Variants in ENTPD1 observed in about 807,000 individuals in gnomAD.
ENTPD1 encodes the protein ectonucleoside triphosphate diphosphohydrolase 1, also known as ATP diphosphohydrolase.
Under a neutral mutation model 57.0 loss-of-function variants are expected in ENTPD1, and 33 were observed. That is an observed-to-expected ratio of 0.58 (90% CI 0.44 to 0.77). The LOEUF is 0.77. ENTPD1 is among the 30% of genes least tolerant of loss of function. The pLI is 0.00. For missense variants in ENTPD1, 501 were observed against 603.4 expected (o/e 0.83, Z 1.78); for synonymous variants, 202 against 218.8 (o/e 0.92, Z 0.68).
At chr10:95,801,829 T>C (rs942640219) in intron 1 of ENTPD1, among the ~76,000 whole-genome samples, 2 of 152,230 alleles carry the variant, frequency 1.3e-5, no homozygotes, top group African/African-American at 4.8e-5. Context: ...CTTGGTTCCA[T>C]ATGAATTTTA....
intron 1 of ENTPD1, among the ~76,000 whole-genome samples, chr10:95,714,355 A>G (rs1395811120): frequency 1.3e-5 from 2 of 152,196 alleles, no homozygotes; most frequent in Non-Finnish European, 2.9e-5. Flanking sequence ...TAAATAAATA[A>G]ATAAACGTTA....
In ENTPD1 at chr10:95,796,424, GAGTT is replaced by G. The variant is rs547394083; in HGVS notation, c.17-26806_17-26803del. ...TGAGCCTCAATTTCTTCATAAGGTA[GAGTT>G]AGTTAGATAAATAAGAGAGGAAAGA... On this transcript the variant is annotated intron_variant, in intron 1 of 9. Coordinates refer to ENST00000371205, the MANE Select transcript of ENTPD1 (RefSeq NM_001776.6). Among the ~76,000 whole-genome samples, 748 of 152,232 alleles carry G rather than the reference GAGTT, an allele frequency of 4.9e-3. 4 individuals carry two copies. The highest frequency in any genetic ancestry group is 0.017 in the African/African-American group (701 of 41,546).
intron 1 of ENTPD1, among the ~76,000 whole-genome samples, chr10:95,722,735 T>C (rs1291605163): frequency 6.6e-6 from 1 of 152,222 alleles, no homozygotes; most frequent in Non-Finnish European, 1.5e-5. Context: ...TCTATCGTCC[T>C]GTCCTGAAGG....
chr10:95,761,497 T>C (rs373350004), intron 1 of ENTPD1, among the ~76,000 whole-genome samples: 1 of 152,250 alleles, frequency 6.6e-6, no homozygotes, highest in East Asian at 1.9e-4. Flanking sequence ...TGGTACTAAA[T>C]GACCAAGCTC....
At chr10:95,705,277 ATGTG>A in the ENTPD1 span, among the ~76,000 whole-genome samples, 1 of 150,176 alleles carries the variant, frequency 6.7e-6, no homozygotes, top group South Asian at 2.1e-4. Flanking sequence ...CCAGTAGAAA[ATGTG>A]TGTGTGTGTG....
chr10:95,720,804 C>G (rs2097976608), intron 1 of ENTPD1, among the ~76,000 whole-genome samples: 1 of 152,150 alleles, frequency 6.6e-6, no homozygotes. Context: ...TTAAAGTGTC[C>G]TTGTAGACCA....
At chr10:95,785,744 C>T (rs955513839) in intron 1 of ENTPD1, among the ~76,000 whole-genome samples, 2 of 152,222 alleles carry the variant, frequency 1.3e-5, no homozygotes, top group Admixed American at 6.5e-5. Flanking sequence ...GGCTTGTCCT[C>T]AAATTCCAGC....
At chr10:95,755,980 A>C (rs565744415), upstream of ENTPD1, 1 of 1,465,106 alleles carries the variant, frequency 6.8e-7, no homozygotes, top group South Asian at 1.5e-5. Flanking sequence ...AAAAAATTAC[A>C]ACCTGGAAAA....
At chr10:95,798,368 T>C (rs2098235184) in intron 1 of ENTPD1, among the ~76,000 whole-genome samples, 1 of 151,934 alleles carries the variant, frequency 6.6e-6, no homozygotes. Flanking sequence ...GAAAGTCAAG[T>C]AATAAGAACT....
intron 3 of ENTPD1, among the ~76,000 whole-genome samples, chr10:95,841,318 C>T (rs11592584): frequency 4.4e-3 from 662 of 151,986 alleles, no homozygotes; most frequent in Non-Finnish European, 8.0e-3. Flanking sequence ...ACCCGGGAGG[C>T]GGAGGTTGCA....
chr10:95,715,374 A>G (rs2097970372), intron 1 of ENTPD1, among the ~76,000 whole-genome samples: 1 of 152,202 alleles, frequency 6.6e-6, no homozygotes. Context: ...ATATTCATAT[A>G]GCCATTCCAG....
the ENTPD1 span, among the ~76,000 whole-genome samples, chr10:95,700,829 G>A: frequency 1.9e-4 from 27 of 142,128 alleles, no homozygotes. Context: ...TTTCGCTCTT[G>A]TTGCCCAGGC....
intron 1 of ENTPD1, among the ~76,000 whole-genome samples, chr10:95,745,700 T>C (rs894273160): frequency 6.6e-6 from 1 of 152,248 alleles, no homozygotes; most frequent in Non-Finnish European, 1.5e-5. Context: ...ACTGACTTCA[T>C]TGAGTACTAG....
intron 1 of ENTPD1, among the ~76,000 whole-genome samples, chr10:95,740,243 G>A (rs552840592): frequency 6.6e-5 from 10 of 152,132 alleles, no homozygotes; most frequent in South Asian, 2.1e-4. Flanking sequence ...CTCGTGCCTC[G>A]GCCTCCCGAA....
intron 2 of ENTPD1, among the ~76,000 whole-genome samples, chr10:95,826,136 T>A (rs1667392832): frequency 6.6e-6 from 1 of 152,126 alleles, no homozygotes; most frequent in African/African-American, 2.4e-5. Context: ...ACATATTTAA[T>A]AACACAAATT....
chr10:95,789,969 G>A (rs924774370), intron 1 of ENTPD1, among the ~76,000 whole-genome samples: 1 of 152,150 alleles, frequency 6.6e-6, no homozygotes, highest in Non-Finnish European at 1.5e-5. Context: ...AGTATTTTGA[G>A]TATTTTTCAT....
intron 1 of ENTPD1, among the ~76,000 whole-genome samples, chr10:95,727,677 T>G (rs1354110753): frequency 6.6e-6 from 1 of 152,210 alleles, no homozygotes; most frequent in Non-Finnish European, 1.5e-5. Flanking sequence ...ACTTTTCTCA[T>G]GGTTATTTAC....
upstream of ENTPD1, among the ~76,000 whole-genome samples, chr10:95,710,086 T>C (rs2097964331): frequency 6.7e-6 from 1 of 150,306 alleles, no homozygotes; most frequent in Non-Finnish European, 1.5e-5. Context: ...CAAGACGTAA[T>C]TTTAAACCAT....
Position 95,873,004 on chromosome 10 carries a change from C to A in ENTPD1, c.*6621C>A, listed in dbSNP as rs74153933. On this transcript the variant is annotated 3_prime_UTR_variant, in exon 10 of 10. Coordinates refer to ENST00000371205, the MANE Select transcript of ENTPD1 (RefSeq NM_001776.6). ...ATGAACCTTAAAAGATCATGCATCTCAAAATTTAATGTACATACAAATTAC... is the reference window on the plus strand; with the variant it reads ...ATGAACCTTAAAAGATCATGCATCTAAAAATTTAATGTACATACAAATTAC... 3,276 of 983,626 alleles carry A rather than the reference C, an allele frequency of 3.3e-3. 75 individuals are homozygous for A. The African/African-American group carries it at 0.053, about 16-fold the overall frequency. The allele number at this position is 983,626 out of a possible 1,614,324, so 60.9% of individuals were successfully genotyped here.
Sources: gnomAD v4.1 joint callset for allele counts (sites outside exome capture counted in the v4.1 genomes callset) on GRCh38, gnomAD v4.1.1 for gene constraint, MANE v1.5 for transcripts, NCBI Gene and HGNC (gene_info 2026-07-23, HGNC 2026-07-21) for gene names.